Variants in LUC7L3 observed in about 807,000 individuals in gnomAD.
LUC7L3 encodes the protein LUC7 like 3 pre-mRNA splicing factor.
LUC7L3 carries 6 observed loss-of-function variants against 66.8 expected under a neutral mutation model. The observed-to-expected ratio is 0.09, with a 90% confidence interval of 0.05 to 0.18. The LOEUF (loss-of-function observed/expected upper bound fraction) is 0.18, where lower values mean the gene tolerates loss of function less well. Among genes scored for constraint, LUC7L3 ranks in the 10% least tolerant of loss-of-function variants. The probability of loss-of-function intolerance (pLI) is 1.00; values close to 1 mark genes in which losing one functional copy is unlikely to be tolerated. For missense variants in LUC7L3, 341 were observed against 531.1 expected, an observed-to-expected ratio of 0.64 and a Z score of 3.52; for synonymous variants, 160 against 174.7, an observed-to-expected ratio of 0.92 and a Z score of 0.66.
chr17:50,745,139 A>G (rs1414955267), intron 7 of LUC7L3, among the ~76,000 whole-genome samples: 1 of 151,980 alleles, frequency 6.6e-6, no homozygotes, highest in Admixed American at 6.6e-5. Flanking sequence ...ACAGGCACAC[A>G]CTACCACGCC....
At chr17:50,738,172 A>C (rs1970103859) in intron 2 of LUC7L3, 1 of 456,054 alleles carries the variant, frequency 2.2e-6, no homozygotes, top group South Asian at 1.5e-5. Context: ...AGAGAAAGTG[A>C]ACAGTTCCTG....
intron 2 of LUC7L3, among the ~76,000 whole-genome samples, chr17:50,739,505 T>A (rs184256062): frequency 9.9e-5 from 15 of 152,100 alleles, no homozygotes; most frequent in African/African-American, 3.6e-4. Flanking sequence ...TACAAAAAAA[T>A]TACGCAGGCA....
At chr17:50,722,296 C>G (rs1488952340) in intron 1 of LUC7L3, 3 of 145,120 alleles carry the variant, frequency 2.1e-5, no homozygotes, top group African/African-American at 7.7e-5. Context: ...CTCCCGGGTT[C>G]AAGCGATTCT....
chr17:50,744,822 TTTTG>T lies in LUC7L3; in HGVS notation c.693+17_693+20del, dbSNP rs758710774. ...CTGTAGAAGAATTAAAAGTAAGTTT[TTTTG>T]TTTGTTTTGAGGCAGATTCTTGCTC... is the stretch of plus-strand genomic sequence containing the variant. On this transcript the variant is annotated intron_variant, in intron 7 of 9. Transcript: ENST00000505658. 53 of 1,606,724 alleles carry T rather than the reference TTTTG, an allele frequency of 3.3e-5. No individual in the cohort carries two copies. The highest frequency in any genetic ancestry group is 4.3e-5 in the Non-Finnish European group (51 of 1,177,562).
At chr17:50,727,165 G>T (rs1005795221) in intron 1 of LUC7L3, among the ~76,000 whole-genome samples, 19 of 152,146 alleles carry the variant, frequency 1.2e-4, no homozygotes, top group Non-Finnish European at 1.9e-4. Flanking sequence ...TTATTGTAAG[G>T]CTTCCAGTCA....
Position 50,733,031 on chromosome 17 carries a change from A to C in LUC7L3, c.100-3929A>C, listed in dbSNP as rs188665971. Among the ~76,000 whole-genome samples, 795 of 152,256 alleles carry C rather than the reference A, an allele frequency of 5.2e-3. 4 individuals are homozygous for C. Among genetic ancestry groups the C allele is most frequent in the Non-Finnish European group, 8.3e-3 (566 of 68,012 alleles). On this transcript the variant is annotated intron_variant, in intron 1 of 9. Coordinates refer to ENST00000505658, the MANE Select transcript of LUC7L3 (RefSeq NM_016424.5). ...TTCGTTTTTTTGTTTTTTAATGGTG[A>C]ACCTTTCTGAGGATCATAGACGTTG... is the stretch of plus-strand genomic sequence containing the variant.
At chr17:50,739,610 C>T (rs534443331) in intron 2 of LUC7L3, among the ~76,000 whole-genome samples, 5 of 152,090 alleles carry the variant, frequency 3.3e-5, no homozygotes, top group African/African-American at 9.6e-5. Flanking sequence ...GCCAAAATTG[C>T]GCCGCTGCAC....
At position 50,719,650 on chromosome 17, in the gene LUC7L3, C is replaced by T; in HGVS notation, c.-83C>T. 2 of 1,185,436 alleles carry T rather than the reference C, an allele frequency of 1.7e-6. No individual in the cohort carries two copies. The highest frequency in any genetic ancestry group is 1.2e-6 in the Non-Finnish European group (1 of 815,734). The allele number at this position is 1,185,436 out of a possible 1,614,324, so 73.4% of individuals were successfully genotyped here. ...GGAGGGATTTCGGCCTGAGAGCGGG[C>T]CGAGGAGATTGGCGACGGTGTCGCC... is the stretch of plus-strand genomic sequence containing the variant. On this transcript the variant is annotated 5_prime_UTR_variant, in exon 1 of 10. Transcript: ENST00000505658.
intron 1 of LUC7L3, among the ~76,000 whole-genome samples, chr17:50,726,950 G>C (rs964926372): frequency 2.6e-5 from 4 of 151,992 alleles, no homozygotes; most frequent in Non-Finnish European, 5.9e-5. Context: ...TTAGCCAGGC[G>C]TTGTGGCCGG....
At chr17:50,738,803 T>G (rs1970160388) in intron 2 of LUC7L3, among the ~76,000 whole-genome samples, 1 of 152,084 alleles carries the variant, frequency 6.6e-6, no homozygotes, top group South Asian at 2.1e-4. Flanking sequence ...TAAAGGACAT[T>G]CATCTTTAGG....
At chr17:50,741,603 C>T in intron 4 of LUC7L3, 54 bp from the exon 5 acceptor site, 1 of 1,106,408 alleles carries the variant, frequency 9.0e-7, no homozygotes, top group Non-Finnish European at 1.4e-6. Context: ...TGCAAGTTTG[C>T]ATGTTTATCT....
intron 2 of LUC7L3, among the ~76,000 whole-genome samples, chr17:50,739,436 G>T (rs11657846): frequency 0.22 from 33,285 of 152,102 alleles, 3,819 homozygotes; most frequent in South Asian, 0.29. Context: ...CAGATCACTC[G>T]AGGTGAGGAG....
At chr17:50,722,697 G>A (rs1968871458) in intron 1 of LUC7L3, 1 of 152,248 alleles carries the variant, frequency 6.6e-6, no homozygotes, top group African/African-American at 2.4e-5. Context: ...GCAGTTTCAA[G>A]TGAAGGATGC....
rs1970556398 is a variant in LUC7L3, at chr17:50,744,633, A to C, written c.532-19A>C. 6.3e-7 allele frequency: 1 copy of C among 1,599,042 alleles called. No homozygotes were observed. The highest frequency in any genetic ancestry group is 1.8e-5 in the Admixed American group (1 of 56,416). On this transcript the variant is annotated intron_variant, in intron 6 of 9. Transcript: ENST00000505658. ...TCTCTTCCTCAGATGTTCTTAAAAT[A>C]ACTGATTTATCATTTTAGACAATTG...
At chr17:50,721,187 A>C (rs947543793) in intron 1 of LUC7L3, among the ~76,000 whole-genome samples, 2 of 152,182 alleles carry the variant, frequency 1.3e-5, no homozygotes, top group Non-Finnish European at 2.9e-5. Flanking sequence ...GTAAGGTAAA[A>C]AACCAAAACA....
At chr17:50,740,512 A>G (rs1489308842) in intron 3 of LUC7L3, among the ~76,000 whole-genome samples, 167 bp downstream of exon 3, 1 of 152,156 alleles carries the variant, frequency 6.6e-6, no homozygotes, top group Admixed American at 6.5e-5. Flanking sequence ...TGATACTGAT[A>G]GCTACCACAT....
At chr17:50,739,471 G>A (rs1432156847) in intron 2 of LUC7L3, among the ~76,000 whole-genome samples, 1 of 152,186 alleles carries the variant, frequency 6.6e-6, no homozygotes, top group African/African-American at 2.4e-5. Flanking sequence ...GCCCAACAGG[G>A]TGAAATCCTG....
At chr17:50,721,441 A>G (rs1567852594) in intron 1 of LUC7L3, among the ~76,000 whole-genome samples, 1 of 152,172 alleles carries the variant, frequency 6.6e-6, no homozygotes, top group Non-Finnish European at 1.5e-5. Context: ...GTTTTATGTC[A>G]TCTCAGCCGT....
chr17:50,754,169 A>AGG lies in LUC7L3; in HGVS notation c.*3511_*3512dup, dbSNP rs1971067605. Reference sequence around the variant, plus strand: ...GTATTTTCTCTTTGGAAGGTCTTTAAGGGGAGCAAACCAGTTTTAATCAAT... The same window carrying AGG: ...GTATTTTCTCTTTGGAAGGTCTTTAAGGGGGGAGCAAACCAGTTTTAATCAAT... On this transcript the variant is annotated 3_prime_UTR_variant, in exon 10 of 10. Transcript: ENST00000505658. 1 of 152,204 alleles carries AGG rather than the reference A, an allele frequency of 6.6e-6. No individual in the cohort carries two copies. The highest frequency in any genetic ancestry group is 6.5e-5 in the Admixed American group (1 of 15,280). The allele number at this position is 152,204 out of a possible 1,614,324, so 9.4% of individuals were successfully genotyped here.
Sources: gnomAD v4.1 joint callset for allele counts (sites outside exome capture counted in the v4.1 genomes callset) on GRCh38, gnomAD v4.1.1 for gene constraint, MANE v1.5 for transcripts, NCBI Gene and HGNC (gene_info 2026-07-23, HGNC 2026-07-21) for gene names.